EPHA6: variants seen among roughly 807,000 people sequenced by gnomAD.
EPHA6 encodes ephrin type-A receptor 6.
A neutral mutation model predicts 112.0 loss-of-function variants in EPHA6; 50 were observed. That is an observed-to-expected ratio of 0.45 (90% CI 0.36 to 0.56). The LOEUF is 0.56. EPHA6 is among the 20% of genes least tolerant of loss of function. The pLI is 0.00. For synonymous variants in EPHA6, 529 were observed against 490.7 expected, an observed-to-expected ratio of 1.08 and a Z score of -1.03; for missense variants, 1,280 against 1,417.4, an observed-to-expected ratio of 0.90 and a Z score of 1.56.
chr3:96,915,200 A>G (rs909080458), intron 2 of EPHA6, among the ~76,000 whole-genome samples: 1 of 151,972 alleles, frequency 6.6e-6, no homozygotes, highest in African/African-American at 2.4e-5. Context: ...TTAAAATCCA[A>G]TGTAAGGAAA....
At chr3:97,329,387 G>A (rs954194385) in intron 5 of EPHA6, among the ~76,000 whole-genome samples, 9 of 150,960 alleles carry the variant, frequency 6.0e-5, no homozygotes, top group East Asian at 5.8e-4. Context: ...CTGAGGAATC[G>A]CCACACTGAC....
chr3:97,084,101 GATATAT>G (rs141072928), intron 3 of EPHA6, among the ~76,000 whole-genome samples: 28,759 of 103,328 alleles, frequency 0.28, 4,749 homozygotes, highest in African/African-American at 0.51. Context: ...TGTGTGCATG[GATATAT>G]ATATATATAT....
intron 3 of EPHA6, among the ~76,000 whole-genome samples, chr3:97,057,809 A>G (rs2045898170): frequency 6.6e-6 from 1 of 152,192 alleles, no homozygotes; most frequent in African/African-American, 2.4e-5. Context: ...ATTTCTAAGA[A>G]CAGAGGGGAG....
chr3:97,700,773 T>C (rs2107735273), intron 14 of EPHA6, among the ~76,000 whole-genome samples: 1 of 152,318 alleles, frequency 6.6e-6, no homozygotes, highest in East Asian at 1.9e-4. Context: ...TACAAAATAT[T>C]CAGTTCTGCA....
intron 14 of EPHA6, among the ~76,000 whole-genome samples, chr3:97,691,847 G>A (rs919887520): frequency 3.3e-5 from 5 of 152,068 alleles, no homozygotes; most frequent in Admixed American, 6.6e-5. Context: ...ATTCTCTTTC[G>A]GCCCCTTCCA....
chr3:97,213,033 T>G (rs2077921166), intron 3 of EPHA6, among the ~76,000 whole-genome samples: 2 of 152,184 alleles, frequency 1.3e-5, no homozygotes, highest in African/African-American at 4.8e-5. Context: ...GCCTAGTTCT[T>G]AAGTCTTTGG....
intron 1 of EPHA6, among the ~76,000 whole-genome samples, chr3:96,864,027 T>G (rs9839914): frequency 0.02 from 2,976 of 151,956 alleles, 107 homozygotes; most frequent in African/African-American, 0.066. Flanking sequence ...CAATAATGAG[T>G]TACTGTTGCA....
rs528107510 is a variant in EPHA6 at position 97,382,811 on chromosome 3, G to A, written c.1607-22339G>A. The stretch of plus-strand genomic sequence containing the variant: ...AATGAACCATATTGAAGCCATCTAG[G>A]TTCAATTTTAGTATTTATGCTTTTA... On this transcript the variant is annotated intron_variant, in intron 5 of 17. Transcript: ENST00000389672. Among the ~76,000 whole-genome samples the A allele has an allele frequency of 2.6e-5, 4 of 151,986 alleles. No homozygotes were observed. The South Asian group carries it at 8.3e-4, about 32-fold the overall frequency.
chr3:97,664,950 C>T (rs1241563640), intron 14 of EPHA6, among the ~76,000 whole-genome samples: 6 of 152,120 alleles, frequency 3.9e-5, no homozygotes, highest in Non-Finnish European at 7.4e-5. Flanking sequence ...ACTTTCTTCA[C>T]ATAATTGGAA....
chr3:97,706,022 G>A (rs2033659800), intron 14 of EPHA6, among the ~76,000 whole-genome samples: 1 of 152,122 alleles, frequency 6.6e-6, no homozygotes, highest in Non-Finnish European at 1.5e-5. Flanking sequence ...CTGGAAGCTT[G>A]TTTAAAAAGG....
At chr3:97,126,285 A>G (rs1193874468) in intron 3 of EPHA6, among the ~76,000 whole-genome samples, 1 of 152,162 alleles carries the variant, frequency 6.6e-6, no homozygotes, top group Non-Finnish European at 1.5e-5. Flanking sequence ...TTGTCTCAGA[A>G]TCCACAACAT....
chr3:97,072,717 G>A (rs906198384), intron 3 of EPHA6, among the ~76,000 whole-genome samples: 3 of 152,076 alleles, frequency 2.0e-5, no homozygotes, highest in African/African-American at 7.2e-5. Context: ...ATCTTCATTG[G>A]TGATTAATTT....
chr3:97,215,401 T>A (rs2078004758), intron 3 of EPHA6, among the ~76,000 whole-genome samples: 1 of 152,182 alleles, frequency 6.6e-6, no homozygotes, highest in Admixed American at 6.5e-5. Context: ...TGATTTCAAT[T>A]TTCTGTGGAT....
chr3:97,105,499 G>GAAA (rs2047538521), intron 3 of EPHA6, among the ~76,000 whole-genome samples: 2 of 152,032 alleles, frequency 1.3e-5, no homozygotes, highest in African/African-American at 2.4e-5. Context: ...GTTTCTATTG[G>GAAA]ACTATTGTCC....
chr3:97,032,284 A>G (rs1457964664), intron 3 of EPHA6, among the ~76,000 whole-genome samples: 3 of 151,972 alleles, frequency 2.0e-5, no homozygotes, highest in South Asian at 2.1e-4. Context: ...AACATCACAC[A>G]CCAGGGACTG....
chr3:97,448,714 T>C lies in EPHA6; in HGVS notation c.1878T>C (p.Phe626=). Residue 626 remains phenylalanine, a synonymous_variant, in exon 7 of 18, where the codon TTT becomes TTC. Transcript: ENST00000389672. ...GTGGCTACAGTCAGAAATTTGAATTTGAAACAGGAGATGAAAGTAAGTTTC... is the reference window on the plus strand; with the variant it reads ...GTGGCTACAGTCAGAAATTTGAATTCGAAACAGGAGATGAAAGTAAGTTTC... ...GYSGYSQKFE[F]ETGDETSDMA... 6.2e-7 allele frequency: 1 copy of C among 1,613,366 alleles called. No homozygotes were observed. Among genetic ancestry groups the C allele is most frequent in the Non-Finnish European group, 8.5e-7 (1 of 1,179,490 alleles).
At chr3:97,362,741 A>T (rs1010655897) in intron 5 of EPHA6, among the ~76,000 whole-genome samples, 1 of 151,984 alleles carries the variant, frequency 6.6e-6, no homozygotes, top group Non-Finnish European at 1.5e-5. Flanking sequence ...CTTGAAGGAA[A>T]GTCTATTGAA....
chr3:97,648,246 T>A, intron 14 of EPHA6: 1 of 808,468 alleles, frequency 1.2e-6, no homozygotes, highest in Non-Finnish European at 2.2e-6. Flanking sequence ...ATAATTACAG[T>A]TCTGTTAACA....
intron 10 of EPHA6, among the ~76,000 whole-genome samples, chr3:97,506,042 C>G (rs2092243942): frequency 6.6e-6 from 1 of 151,822 alleles, no homozygotes; most frequent in South Asian, 2.1e-4. Context: ...TTGTTTTTTT[C>G]TCGTAAATTT....
Sources: gnomAD v4.1 joint callset for allele counts (sites outside exome capture counted in the v4.1 genomes callset) on GRCh38, gnomAD v4.1.1 for gene constraint, MANE v1.5 for transcripts, NCBI Gene and HGNC (gene_info 2026-07-23, HGNC 2026-07-21) for gene names.